Variants in FIGN observed in about 807,000 individuals in gnomAD.
FIGN encodes the protein fidgetin, microtubule severing factor, also known as fidgetin.
Under a neutral mutation model 51.3 loss-of-function variants are expected in FIGN, and 11 were observed. The ratio of observed to expected loss-of-function variants is 0.21; its 90% CI spans 0.13 to 0.35. The LOEUF is 0.35. Among genes scored for constraint, FIGN ranks in the 10% least tolerant of loss-of-function variants. FIGN has a pLI of 1.00. For missense variants in FIGN, 857 were observed against 943.6 expected, an observed-to-expected ratio of 0.91 and a Z score of 1.20; for synonymous variants, 407 against 363.2, an observed-to-expected ratio of 1.12 and a Z score of -1.37.
At chr2:163,730,908 A>C (rs1275753423) in intron 2 of FIGN, among the ~76,000 whole-genome samples, 1 of 152,204 alleles carries the variant, frequency 6.6e-6, no homozygotes, top group Non-Finnish European at 1.5e-5. Context: ...CTTTATAAAG[A>C]GTAGTATGTG....
At chr2:163,671,805 G>C (rs1195669900) in intron 2 of FIGN, among the ~76,000 whole-genome samples, 1 of 152,110 alleles carries the variant, frequency 6.6e-6, no homozygotes, top group Non-Finnish European at 1.5e-5. Flanking sequence ...CTGATATCAA[G>C]TCACAAAATA....
intron 2 of FIGN, among the ~76,000 whole-genome samples, chr2:163,645,020 A>G (rs918349999): frequency 1.3e-5 from 2 of 152,222 alleles, no homozygotes; most frequent in Non-Finnish European, 2.9e-5. Context: ...TGATGGCTGC[A>G]TATACCTGTG....
In FIGN at chr2:163,656,538, T is replaced by G. The variant is rs949204304; in HGVS notation, c.26-44732A>C. On this transcript the variant is annotated intron_variant, in intron 2 of 2. Transcript: ENST00000333129. ...GGAGGGGCTCATCAAACCAAACTTC[T>G]GTTGTATGCCATGCCTGAGAAGATT... Among the ~76,000 whole-genome samples the G allele has an allele frequency of 2.6e-5, 4 of 152,072 alleles. No individual in the cohort carries two copies. In the South Asian group the frequency reaches 8.3e-4, roughly 32 times the overall value.
Position 163,605,862 on chromosome 2 carries a change from A to C in FIGN, c.*3690T>G, listed in dbSNP as rs747832690. 9.2e-5 allele frequency: 14 copies of C among 151,594 alleles called. No individual in the cohort carries two copies. Among genetic ancestry groups the C allele is most frequent in the Non-Finnish European group, 2.1e-4 (14 of 67,950 alleles). 9.4% of individuals were successfully genotyped at this position (151,594 alleles called of 1,614,324 possible). ...TATTTTCCAACCCACAAATATATTT[A>C]AATTTACAAAGACCTATTATAGGAA... On this transcript the variant is annotated 3_prime_UTR_variant, in exon 3 of 3. Transcript: ENST00000333129.
chr2:163,610,777 G>A lies in FIGN; in HGVS notation c.1055C>T (p.Pro352Leu). ...ATTTGTGTTTGAAATGCTGTTGTCG[G>A]GCATTCTGTACATAGGACTCTGTGT... ...RSTQSPMYRM[P>L]DNSISNTNRG... The change falls in exon 3 of 3, where the codon CCC becomes CTC. Residue 352 changes from proline (P) to leucine (L), a missense_variant. Physicochemically the swap from Pro to Leu is moderately conservative, Grantham distance 98 (BLOSUM62 -3). This residue lies in a region of FIGN where 799 missense variants were observed against 849.5 expected (regional missense o/e 0.94). Coordinates refer to ENST00000333129, the MANE Select transcript of FIGN (RefSeq NM_018086.4). The A allele has an allele frequency of 1.2e-6, 2 of 1,614,120 alleles. No homozygotes were observed. Among genetic ancestry groups the A allele is most frequent in the Non-Finnish European group, 1.7e-6 (2 of 1,180,018 alleles).
chr2:163,705,529 A>G (rs891466344), intron 2 of FIGN, among the ~76,000 whole-genome samples: 1 of 152,164 alleles, frequency 6.6e-6, no homozygotes, highest in African/African-American at 2.4e-5. Flanking sequence ...AATTTTAGTT[A>G]CAGGTCACTT....
intron 2 of FIGN, among the ~76,000 whole-genome samples, chr2:163,719,213 A>G (rs1684716365): frequency 6.6e-6 from 1 of 152,136 alleles, no homozygotes; most frequent in Non-Finnish European, 1.5e-5. Flanking sequence ...GACTTTATGG[A>G]TTTTAAGTTT....
intron 2 of FIGN, among the ~76,000 whole-genome samples, chr2:163,655,802 C>CAGAG (rs1260075041): frequency 5.2e-4 from 71 of 136,224 alleles, no homozygotes; most frequent in African/African-American, 2.1e-3. Context: ...CACACACACA[C>CAGAG]ACAGAGAGAG....
intron 2 of FIGN, among the ~76,000 whole-genome samples, chr2:163,728,047 C>T (rs1047690689): frequency 2.6e-5 from 4 of 152,200 alleles, no homozygotes; most frequent in Non-Finnish European, 4.4e-5. Context: ...TTAGTGTTAC[C>T]GCATGAAATG....
At chr2:163,632,627 C>T (rs1683162139) in intron 2 of FIGN, among the ~76,000 whole-genome samples, 1 of 152,144 alleles carries the variant, frequency 6.6e-6, no homozygotes, top group Non-Finnish European at 1.5e-5. Context: ...AAAACAACTT[C>T]CTTGAAAGTT....
intron 2 of FIGN, among the ~76,000 whole-genome samples, chr2:163,682,005 G>A (rs1412124606): frequency 6.6e-6 from 1 of 152,194 alleles, no homozygotes; most frequent in African/African-American, 2.4e-5. Flanking sequence ...TGAAGTTGCA[G>A]TTTGGCCTTG....
Position 163,604,632 on chromosome 2 carries a change from G to A in FIGN, c.*4920C>T, listed in dbSNP as rs1691044468. 1 of 151,890 alleles carries A rather than the reference G, an allele frequency of 6.6e-6. No homozygotes were observed. 9.4% of individuals were successfully genotyped at this position (151,890 alleles called of 1,614,324 possible). On this transcript the variant is annotated 3_prime_UTR_variant, in exon 3 of 3. Coordinates refer to ENST00000333129, the MANE Select transcript of FIGN (RefSeq NM_018086.4). ...AAAAGACAACAAATAAATACTACAT[G>A]TACAATATGTAGCAATGAGGTAGAA...
intron 2 of FIGN, among the ~76,000 whole-genome samples, chr2:163,734,368 GAA>G (rs1457165611): frequency 1.3e-5 from 2 of 149,096 alleles, no homozygotes; most frequent in East Asian, 2.0e-4. Flanking sequence ...ACCACACTCA[GAA>G]GAACTGATTA....
Position 163,610,729 on chromosome 2 carries a change from C to A in FIGN, c.1103G>T (p.Ser368Ile). The A allele has an allele frequency of 6.2e-7, 1 of 1,614,184 alleles. No homozygotes were observed. The highest frequency in any genetic ancestry group is 1.7e-5 in the Admixed American group (1 of 60,024). ...NTNRGNGFDR[S>I]AETSSLAFKP... Reference sequence around the variant, plus strand: ...AAATGCTAAGGATGATGTTTCAGCACTTCTGTCAAAGCCATTCCCCCGATT... The same window carrying A: ...AAATGCTAAGGATGATGTTTCAGCAATTCTGTCAAAGCCATTCCCCCGATT... Residue 368 changes from serine (S) to isoleucine (I), a missense_variant, in exon 3 of 3, where the codon AGT (serine) becomes ATT (isoleucine). This residue lies in a region of FIGN where 799 missense variants were observed against 849.5 expected (regional missense o/e 0.94). Coordinates refer to ENST00000333129, the MANE Select transcript of FIGN (RefSeq NM_018086.4).
chr2:163,636,281 T>C (rs1683223776), intron 2 of FIGN, among the ~76,000 whole-genome samples: 1 of 152,032 alleles, frequency 6.6e-6, no homozygotes, highest in Admixed American at 6.6e-5. Flanking sequence ...CTAATGGTGA[T>C]TTTTTGTTTG....
intron 2 of FIGN, among the ~76,000 whole-genome samples, chr2:163,651,581 A>G (rs1473039457): frequency 6.6e-6 from 1 of 152,216 alleles, no homozygotes; most frequent in Non-Finnish European, 1.5e-5. Context: ...AAGCTACCTT[A>G]AATATTTTGC....
chr2:163,685,706 G>A (rs1169287217), intron 2 of FIGN, among the ~76,000 whole-genome samples: 1 of 152,150 alleles, frequency 6.6e-6, no homozygotes, highest in Non-Finnish European at 1.5e-5. Flanking sequence ...ACTTTAATTT[G>A]TAAATCTAAG....
intron 2 of FIGN, among the ~76,000 whole-genome samples, chr2:163,665,060 C>T (rs1683751290): frequency 6.6e-6 from 1 of 152,212 alleles, no homozygotes; most frequent in South Asian, 2.1e-4. Context: ...TGAGTTGCCA[C>T]TTATTATTAT....
rs1481938625 is a variant in FIGN at position 163,611,109 on chromosome 2, G to T, written c.723C>A (p.Asn241Lys). ...ALVPGYNGTS[N>K]LSSYSYPSAS... ...CAGACGGATAGCTGTAACTGGAGAG[G>T]TTAGAAGTCCCATTGTAGCCTGGGA... Residue 241 changes from asparagine (N) to lysine (K), a missense_variant, in exon 3 of 3, where the codon AAC becomes AAA. By Grantham distance (94) the Asn-to-Lys change is moderately conservative. Around this residue, in one of 3 missense-constraint regions of FIGN, gnomAD observed 799 missense variants for 849.5 expected, o/e 0.94. Transcript: ENST00000333129. 2.5e-6 allele frequency: 4 copies of T among 1,614,144 alleles called. No individual in the cohort carries two copies. The highest frequency in any genetic ancestry group is 3.4e-6 in the Non-Finnish European group (4 of 1,180,034).
Sources: gnomAD v4.1 joint callset for allele counts (sites outside exome capture counted in the v4.1 genomes callset) on GRCh38, gnomAD v4.1.1 for gene constraint, gnomAD v4.1.1 regional missense constraint, MANE v1.5 for transcripts, NCBI Gene and HGNC (gene_info 2026-07-23, HGNC 2026-07-21) for gene names.